Variants in CNTN5 observed in about 807,000 individuals in gnomAD.
CNTN5 encodes contactin 5.
A neutral mutation model predicts 129.1 loss-of-function variants in CNTN5; 77 were observed. The ratio of observed to expected loss-of-function variants is 0.60; its 90% CI spans 0.50 to 0.72. The LOEUF is 0.72. Among genes scored for constraint, CNTN5 ranks in the 30% least tolerant of loss-of-function variants. The pLI, the probability that CNTN5 is intolerant of heterozygous loss-of-function variation, is 0.00. For synonymous variants in CNTN5, 509 were observed against 465.6 expected, an observed-to-expected ratio of 1.09 and a Z score of -1.20; for missense variants, 1,478 against 1,328.8, an observed-to-expected ratio of 1.11 and a Z score of -1.75.
intron 8 of CNTN5, among the ~76,000 whole-genome samples, chr11:99,975,989 A>G (rs1356775647): frequency 1.3e-5 from 2 of 152,184 alleles, no homozygotes; most frequent in African/African-American, 4.8e-5. Flanking sequence ...TAAAAAAACA[A>G]GTTAGTTACT....
intron 3 of CNTN5, among the ~76,000 whole-genome samples, chr11:99,580,412 C>T (rs899089657): frequency 3.3e-5 from 5 of 152,258 alleles, no homozygotes; most frequent in East Asian, 1.9e-4. Context: ...ATGGTACCAG[C>T]TCTTCCTTGT....
At chr11:100,099,118 A>G (rs1430389768) in intron 13 of CNTN5, among the ~76,000 whole-genome samples, 1 of 152,112 alleles carries the variant, frequency 6.6e-6, no homozygotes, top group African/African-American at 2.4e-5. Context: ...AAATTACTGA[A>G]GAATTTCTAC....
chr11:100,117,308 C>T (rs1280900608), intron 13 of CNTN5, among the ~76,000 whole-genome samples: 1 of 151,934 alleles, frequency 6.6e-6, no homozygotes, highest in Non-Finnish European at 1.5e-5. Context: ...GATTGAGCCA[C>T]ATCCCTGTAC....
chr11:100,062,945 A>C (rs894289390), intron 10 of CNTN5, among the ~76,000 whole-genome samples: 1 of 152,182 alleles, frequency 6.6e-6, no homozygotes, highest in African/African-American at 2.4e-5. Context: ...TCACACCAAC[A>C]GTTTGAAGTA....
intron 16 of CNTN5, among the ~76,000 whole-genome samples, chr11:100,255,184 GTA>G (rs1282504065): frequency 6.6e-6 from 1 of 152,144 alleles, no homozygotes; most frequent in Non-Finnish European, 1.5e-5. Context: ...AGAACTTTAT[GTA>G]TGTCTCAGGT....
rs569618921 is a variant in CNTN5 at position 99,034,735 on chromosome 11, A to G, written c.-210+13465A>G. On this transcript the variant is annotated intron_variant, in intron 1 of 24. Transcript: ENST00000524871. The stretch of plus-strand genomic sequence containing the variant: ...CAAAAAACCAGCTCCTGGATTCATT[A>G]ATTTTTTGAAGGGTTTTTTGCATCT... 3.3e-5 allele frequency among the ~76,000 whole-genome samples: 5 copies of G among 152,076 alleles called. No individual in the cohort carries two copies. The East Asian group carries it at 7.7e-4, about 24-fold the overall frequency.
At chr11:99,580,449 C>A (rs183010269) in intron 3 of CNTN5, among the ~76,000 whole-genome samples, 5 of 152,228 alleles carry the variant, frequency 3.3e-5, no homozygotes, top group African/African-American at 1.2e-4. Flanking sequence ...GACTGTGAAT[C>A]CATCTGGTCC....
intron 8 of CNTN5, among the ~76,000 whole-genome samples, chr11:99,972,230 C>A (rs1050761201): frequency 3.3e-5 from 5 of 151,882 alleles, no homozygotes; most frequent in African/African-American, 1.2e-4. Context: ...CACTGCACTC[C>A]AGCCTGGGCG....
chr11:99,936,226 G>A (rs1209605430), intron 7 of CNTN5, among the ~76,000 whole-genome samples: 1 of 152,150 alleles, frequency 6.6e-6, no homozygotes, highest in Admixed American at 6.6e-5. Context: ...AATAGCAGGG[G>A]TTGCAGACAT....
intron 1 of CNTN5, among the ~76,000 whole-genome samples, chr11:99,130,108 T>G (rs1226117537): frequency 6.7e-6 from 1 of 148,632 alleles, no homozygotes; most frequent in Non-Finnish European, 1.5e-5. Context: ...AATTCAAAGG[T>G]AACAATATTA....
intron 13 of CNTN5, among the ~76,000 whole-genome samples, chr11:100,163,923 A>T (rs1947538417): frequency 1.3e-5 from 2 of 151,854 alleles, no homozygotes; most frequent in Admixed American, 6.6e-5. Context: ...ATGAGTTATT[A>T]TTATTCTTAT....
intron 3 of CNTN5, among the ~76,000 whole-genome samples, chr11:99,648,205 G>C (rs1397851485): frequency 1.3e-5 from 2 of 151,884 alleles, no homozygotes; most frequent in Non-Finnish European, 1.5e-5. Context: ...CTTTTATTCT[G>C]TTGATGGTGA....
chr11:99,033,243 C>T (rs1276425744), intron 1 of CNTN5, among the ~76,000 whole-genome samples: 1 of 151,522 alleles, frequency 6.6e-6, no homozygotes. Context: ...ATTGACTTGG[C>T]AATGCGGGCT....
chr11:99,594,556 C>T (rs534906885), intron 3 of CNTN5, among the ~76,000 whole-genome samples: 2 of 152,294 alleles, frequency 1.3e-5, no homozygotes, highest in East Asian at 1.9e-4. Flanking sequence ...CCACCCAGCA[C>T]ATAATAGGAT....
At chr11:99,531,520 G>A (rs955997509) in intron 2 of CNTN5, among the ~76,000 whole-genome samples, 1 of 152,164 alleles carries the variant, frequency 6.6e-6, no homozygotes, top group African/African-American at 2.4e-5. Context: ...AGACCATGAG[G>A]AAAATATCTC....
At chr11:99,232,635 GC>G (rs1355971400) in intron 1 of CNTN5, among the ~76,000 whole-genome samples, 1 of 152,052 alleles carries the variant, frequency 6.6e-6, no homozygotes, top group Non-Finnish European at 1.5e-5. Flanking sequence ...CTATTCGAAT[GC>G]CCTTTATTTC....
At chr11:100,349,771 C>T (rs1952363462) in intron 23 of CNTN5, among the ~76,000 whole-genome samples, 1 of 151,802 alleles carries the variant, frequency 6.6e-6, no homozygotes, top group African/African-American at 2.4e-5. Context: ...CACTACTTGA[C>T]TATTATACCA....
At chr11:100,287,339 G>A (rs1332022016) in intron 18 of CNTN5, among the ~76,000 whole-genome samples, 22 of 150,848 alleles carry the variant, frequency 1.5e-4, no homozygotes, top group African/African-American at 4.1e-4. Flanking sequence ...AGGAAAAAAT[G>A]TTAAGGGCAG....
chr11:99,888,706 A>G (rs1948965235), intron 6 of CNTN5, among the ~76,000 whole-genome samples: 1 of 152,212 alleles, frequency 6.6e-6, no homozygotes, highest in Non-Finnish European at 1.5e-5. Context: ...CTCTGTGGCA[A>G]TAACAGAGAG....
Sources: allele counts gnomAD v4.1 joint callset (sites outside exome capture counted in the v4.1 genomes callset), GRCh38; gene constraint gnomAD v4.1.1; transcripts MANE v1.5; gene names NCBI Gene and HGNC (gene_info 2026-07-23, HGNC 2026-07-21).